Variants in XKR8 observed in about 807,000 individuals in gnomAD.
The protein encoded by XKR8 is XK related 8.
In XKR8, 10 loss-of-function variants were observed where a neutral mutation model predicts 17.1. That is an observed-to-expected ratio of 0.59 (90% confidence interval 0.36 to 0.99). The LOEUF (loss-of-function observed/expected upper bound fraction) is 0.99, where lower values mean the gene tolerates loss of function less well. Ranked by LOEUF, XKR8 falls within the 50% of genes least tolerant of loss-of-function variation. The probability of loss-of-function intolerance (pLI) is 0.01; values close to 1 mark genes in which losing one functional copy is unlikely to be tolerated. For missense variants in XKR8, 411 were observed against 515.6 expected (o/e 0.80, Z 1.96); for synonymous variants, 213 against 251.9 (o/e 0.85, Z 1.46).
At position 27,967,534 on chromosome 1, in the gene XKR8, C is replaced by T; in HGVS notation, c.*334C>T. 5.0e-6 allele frequency: 1 copy of T among 200,338 alleles called. No individual in the cohort carries two copies. Among genetic ancestry groups the T allele is most frequent in the Non-Finnish European group, 1.0e-5 (1 of 98,284 alleles). 12.4% of individuals were successfully genotyped at this position (200,338 alleles called of 1,614,324 possible). On this transcript the variant is annotated 3_prime_UTR_variant, in exon 3 of 3. Transcript: ENST00000373884. This position sits in a 1 kb window ranked among gnomAD's most constrained non-coding sequence, Gnocchi z 4.3. ...GTGCCCCAAAACTTCCACCTCCCTC[C>T]CTGGCTACCTCTAAAATGACTGGTA...
chr1:27,966,392 T>G lies in XKR8; in HGVS notation c.491-111T>G. The G allele has an allele frequency of 1.9e-6, 2 of 1,078,456 alleles. No homozygotes were observed. Among genetic ancestry groups the G allele is most frequent in the Non-Finnish European group, 2.7e-6 (2 of 746,802 alleles). 66.8% of individuals were successfully genotyped at this position (1,078,456 alleles called of 1,614,324 possible). ...AGATTTGCCTTCAACAAACGAGGGA[T>G]TCTAATACCTACCCCAGGGTTGCTG... On this transcript the variant is annotated intron_variant, in intron 2 of 2. Coordinates refer to ENST00000373884, the MANE Select transcript of XKR8 (RefSeq NM_018053.4). This position sits in a 1 kb window ranked among gnomAD's most constrained non-coding sequence, Gnocchi z 4.3.
rs1638553131 is a variant in XKR8, at chr1:27,965,605, A to G, written c.491-898A>G. ...GTGGGGCCTGTGCTTCTGGCGACCT[A>G]ACATCCTGGGCAGAGCTTGTCAAGG... On this transcript the variant is annotated intron_variant, in intron 2 of 2. Coordinates refer to ENST00000373884, the MANE Select transcript of XKR8 (RefSeq NM_018053.4). The surrounding 1 kb of genome is among the most constrained non-coding windows in gnomAD (Gnocchi z 4.1). Among the ~76,000 whole-genome samples the G allele has an allele frequency of 6.6e-6, 1 of 152,010 alleles. No individual in the cohort carries two copies. Among genetic ancestry groups the G allele is most frequent in the Non-Finnish European group, 1.5e-5 (1 of 68,004 alleles).
chr1:27,963,353 T>G, intron 1 of XKR8, 144 bp from the exon 2 acceptor site: 3 of 925,060 alleles, frequency 3.2e-6, no homozygotes, highest in Non-Finnish European at 4.6e-6. Context: ...ACAAGTTCAG[T>G]GAGGTTAGGA....
Position 27,966,461 on chromosome 1 carries a change from A to AG in XKR8, c.491-40dup. ...CTGTGACCGCTGGGGAGTGCCAAGC[A>AG]GGCTGGCCCCAGGACTCACTGTTCC... is the stretch of plus-strand genomic sequence containing the variant. On this transcript the variant is annotated intron_variant, in intron 2 of 2. Coordinates refer to ENST00000373884, the MANE Select transcript of XKR8 (RefSeq NM_018053.4). The surrounding 1 kb of genome is among the most constrained non-coding windows in gnomAD (Gnocchi z 4.3). 6.4e-7 allele frequency: 1 copy of AG among 1,563,148 alleles called. No homozygotes were observed. The highest frequency in any genetic ancestry group is 1.3e-5 in the African/African-American group (1 of 74,124).
Position 27,960,357 on chromosome 1 carries a change from G to A in XKR8, c.288G>A (p.Leu96=), listed in dbSNP as rs1359190536. 2 of 1,388,736 alleles carry A rather than the reference G, an allele frequency of 1.4e-6. No homozygotes were observed. The highest frequency in any genetic ancestry group is 3.0e-5 in the African/African-American group (2 of 65,988). 86.0% of individuals were successfully genotyped at this position (1,388,736 alleles called of 1,614,324 possible). The change falls in exon 1 of 3, where the codon CTG becomes CTA. Residue 96 remains leucine, a synonymous_variant. Coordinates refer to ENST00000373884, the MANE Select transcript of XKR8 (RefSeq NM_018053.4). This position sits in a 1 kb window ranked among gnomAD's most constrained non-coding sequence, Gnocchi z 5.9. ...ALLHLLQLGY[L]YRCVQELRQG... ...TGCATCTCCTGCAGCTGGGTTACCT[G>A]TACAGGTGAGTGCTTCGCCCCGGGA...
At chr1:27,962,337 G>A (rs1382258700) in intron 1 of XKR8, among the ~76,000 whole-genome samples, 2 of 152,190 alleles carry the variant, frequency 1.3e-5, no homozygotes, top group Non-Finnish European at 2.9e-5. Context: ...AGTCTGGGAG[G>A]CTGACGTGGG....
rs1300456064 is a variant in XKR8, at chr1:27,963,667, AG to A, written c.465del (p.Ser156ValfsTer46). Reference sequence around the variant, plus strand: ...ACGCTGGTGCTGGCCATCATGCTGCAGAGTGGCCGGGCTGAGTACTACCAGT... The same window carrying A: ...ACGCTGGTGCTGGCCATCATGCTGCAAGTGGCCGGGCTGAGTACTACCAGT... The part of the protein sequence containing the change: ...QLTLVLAIML[Q>X]SGRAEYYQWV... On this transcript the variant is annotated frameshift_variant, in exon 2 of 3. Transcript: ENST00000373884. LOFTEE classifies it low-confidence loss of function (END_TRUNC). 1.9e-6 allele frequency: 3 copies of A among 1,593,440 alleles called. No individual in the cohort carries two copies. Among genetic ancestry groups the A allele is most frequent in the Non-Finnish European group, 2.6e-6 (3 of 1,169,920 alleles).
Position 27,963,622 on chromosome 1 carries a change from T to C in XKR8, c.419T>C (p.Leu140Ser). The change falls in exon 2 of 3, where the codon TTG (leucine) becomes TCG (serine). Residue 140 changes from leucine (L) to serine (S), a missense_variant. By Grantham distance (145) the Leu-to-Ser change is moderately radical. Transcript: ENST00000373884. ...ISMLRLFETF[L>S]ETAPQLTLVL... Reference sequence around the variant, plus strand: ...ATGCTGCGGCTCTTCGAGACCTTCTTGGAGACGGCACCACAGCTCACGCTG... The same window carrying C: ...ATGCTGCGGCTCTTCGAGACCTTCTCGGAGACGGCACCACAGCTCACGCTG... 1 of 1,613,328 alleles carries C rather than the reference T, an allele frequency of 6.2e-7. No homozygotes were observed. The highest frequency in any genetic ancestry group is 8.5e-7 in the Non-Finnish European group (1 of 1,179,686).
intron 1 of XKR8, among the ~76,000 whole-genome samples, chr1:27,961,112 A>T (rs1638463275): frequency 6.6e-6 from 1 of 152,132 alleles, no homozygotes; most frequent in Non-Finnish European, 1.5e-5. Flanking sequence ...GCCTGGTTGT[A>T]TTCTTCCCCC....
At position 27,960,082 on chromosome 1, in the gene XKR8, T is replaced by A. The variant is rs1355199323; in HGVS notation, c.13T>A (p.Ser5Thr). ...AGGCCGGCGGGCCATGCCCTGGTCG[T>A]CCCGCGGCGCCCTCCTTCGGGACCT... Reference protein sequence around the residue: MPWSSRGALLRDLVL... With the variant: MPWSTRGALLRDLVL... Residue 5 changes from serine to threonine, a missense_variant, in exon 1 of 3, where the codon TCC (serine) becomes ACC (threonine). Coordinates refer to ENST00000373884, the MANE Select transcript of XKR8 (RefSeq NM_018053.4). This position sits in a 1 kb window ranked among gnomAD's most constrained non-coding sequence, Gnocchi z 5.9. The A allele has an allele frequency of 2.0e-6, 3 of 1,465,664 alleles. No homozygotes were observed. The South Asian group carries it at 4.0e-5, about 19-fold the overall frequency. The allele number at this position is 1,465,664 out of a possible 1,614,324, so 90.8% of individuals were successfully genotyped here. A position where few individuals can be genotyped will look rare whatever the true frequency, so the allele number is the denominator to read the frequency against.
intron 1 of XKR8, among the ~76,000 whole-genome samples, chr1:27,962,705 C>T (rs1041393653): frequency 1.3e-5 from 2 of 150,982 alleles, no homozygotes; most frequent in African/African-American, 2.4e-5. Flanking sequence ...TGTCCTCCTG[C>T]GTCAGCCTCC....
In XKR8 at chr1:27,967,526, C is replaced by A. The variant is rs546264169; in HGVS notation, c.*326C>A. ...TATAGCTGGTGCCCCAAAACTTCCA[C>A]CTCCCTCCCTGGCTACCTCTAAAAT... On this transcript the variant is annotated 3_prime_UTR_variant, in exon 3 of 3. Coordinates refer to ENST00000373884, the MANE Select transcript of XKR8 (RefSeq NM_018053.4). The surrounding 1 kb of genome is among the most constrained non-coding windows in gnomAD (Gnocchi z 4.3). The A allele has an allele frequency of 2.8e-4, 57 of 201,104 alleles. No homozygotes were observed. The highest frequency in any genetic ancestry group is 1.3e-3 in the African/African-American group (55 of 43,054). The allele number at this position is 201,104 out of a possible 1,614,324, so 12.5% of individuals were successfully genotyped here.
chr1:27,966,842 C>CTG lies in XKR8; in HGVS notation c.831_832dup (p.Glu278ValfsTer17). 6.2e-7 allele frequency: 1 copy of CTG among 1,614,044 alleles called. No homozygotes were observed. The highest frequency in any genetic ancestry group is 8.5e-7 in the Non-Finnish European group (1 of 1,179,986). On this transcript the variant is annotated frameshift_variant, in exon 3 of 3. Transcript: ENST00000373884. LOFTEE classifies it low-confidence loss of function (END_TRUNC). This position sits in a 1 kb window ranked among gnomAD's most constrained non-coding sequence, Gnocchi z 4.3. Reference sequence around the variant, plus strand: ...CTCTATTTCTCCTGGTTCAACGTGGCTGAGGGCCGCACCCGAGGCCGGGCC... The same window carrying CTG: ...CTCTATTTCTCCTGGTTCAACGTGGCTGTGAGGGCCGCACCCGAGGCCGGGCC...
rs1211481990 is a variant in XKR8, at chr1:27,967,030, T to C, written c.1018T>C (p.Trp340Arg). Residue 340 changes from tryptophan to arginine, a missense_variant, in exon 3 of 3, where the codon TGG becomes CGG. Physicochemically the swap from Trp to Arg is moderately radical, Grantham distance 101 (BLOSUM62 -3). Transcript: ENST00000373884. The surrounding 1 kb of genome is among the most constrained non-coding windows in gnomAD (Gnocchi z 4.3). ...GGCTCTGCGGCTTGTGTACTACCAC[T>C]GGCTGCACCCTAGCTGCTGCTGGAA... ...GLALRLVYYH[W>R]LHPSCCWKPD... The C allele has an allele frequency of 6.2e-7, 1 of 1,614,098 alleles. No individual in the cohort carries two copies. Among genetic ancestry groups the C allele is most frequent in the East Asian group, 2.2e-5 (1 of 44,874 alleles).
chr1:27,961,088 C>G (rs900093462), intron 1 of XKR8, among the ~76,000 whole-genome samples: 1 of 152,246 alleles, frequency 6.6e-6, no homozygotes, highest in African/African-American at 2.4e-5. Context: ...CAAAGGCCGC[C>G]TCTCACCCTG....
Position 27,967,300 on chromosome 1 carries a change from G to A in XKR8, c.*100G>A. On this transcript the variant is annotated 3_prime_UTR_variant, in exon 3 of 3. Coordinates refer to ENST00000373884, the MANE Select transcript of XKR8 (RefSeq NM_018053.4). This position sits in a 1 kb window ranked among gnomAD's most constrained non-coding sequence, Gnocchi z 4.3. ...GCGAGGATAAGCTAACGATGCTGCT[G>A]TGGCCTCTATGCACTCAGCAAGAGC... The A allele has an allele frequency of 1.6e-5, 22 of 1,354,266 alleles. No homozygotes were observed. Among genetic ancestry groups the A allele is most frequent in the Non-Finnish European group, 2.2e-5 (22 of 1,006,704 alleles). The allele number at this position is 1,354,266 out of a possible 1,614,324, so 83.9% of individuals were successfully genotyped here. A position where few individuals can be genotyped will look rare whatever the true frequency, so the allele number is the denominator to read the frequency against.
At chr1:27,961,375 G>A (rs1638467765) in intron 1 of XKR8, among the ~76,000 whole-genome samples, 1 of 152,230 alleles carries the variant, frequency 6.6e-6, no homozygotes, top group South Asian at 2.1e-4. Flanking sequence ...ATCTGCTCTT[G>A]AATCCGTTTT....
At position 27,965,726 on chromosome 1, in the gene XKR8, G is replaced by T. The variant is rs1638554568; in HGVS notation, c.491-777G>T. On this transcript the variant is annotated intron_variant, in intron 2 of 2. Coordinates refer to ENST00000373884, the MANE Select transcript of XKR8 (RefSeq NM_018053.4). The surrounding 1 kb of genome is among the most constrained non-coding windows in gnomAD (Gnocchi z 4.1). ...GCACAGATCTGTTTCCAGGCTAGGA[G>T]TGGGTTCTGGGCGCCTAATAGGTTC... is the stretch of plus-strand genomic sequence containing the variant. Among the ~76,000 whole-genome samples, 2 of 152,218 alleles carry T rather than the reference G, an allele frequency of 1.3e-5. No individual in the cohort carries two copies. Among genetic ancestry groups the T allele is most frequent in the African/African-American group, 2.4e-5 (1 of 41,450 alleles).
At chr1:27,963,823 T>G in intron 2 of XKR8, 130 bp downstream of exon 2, 1 of 997,798 alleles carries the variant, frequency 1.0e-6, no homozygotes, top group East Asian at 2.7e-5. Context: ...CAGGCAGATC[T>G]GGCTTGAAAC....
Sources: gnomAD v4.1 joint callset for allele counts (sites outside exome capture counted in the v4.1 genomes callset) on GRCh38, gnomAD v4.1.1 for gene constraint, Gnocchi (gnomAD v3.1) non-coding constraint, MANE v1.5 for transcripts, NCBI Gene and HGNC (gene_info 2026-07-23, HGNC 2026-07-21) for gene names.